Variants in SULF1 observed in about 807,000 individuals in gnomAD.
The protein encoded by SULF1 is extracellular sulfatase Sulf-1.
In SULF1, 46 loss-of-function variants were observed where a neutral mutation model predicts 110.5. That is an observed-to-expected ratio of 0.42 (90% CI 0.33 to 0.53). The LOEUF is 0.53. SULF1 is among the 20% of genes least tolerant of loss of function. SULF1 has a pLI of 0.12. For synonymous variants in SULF1, 371 were observed against 387.1 expected (o/e 0.96, Z 0.49); for missense variants, 941 against 1,094.2 (o/e 0.86, Z 1.98).
chr8:69,627,800 A>G lies in SULF1; in HGVS notation c.1976A>G (p.Asn659Ser). The G allele has an allele frequency of 6.2e-7, 1 of 1,612,938 alleles. No homozygotes were observed. The highest frequency in any genetic ancestry group is 8.5e-7 in the Non-Finnish European group (1 of 1,179,530). Residue 659 changes from asparagine to serine, a missense_variant, in exon 17 of 23, where the codon AAT (asparagine) becomes AGT (serine). Physicochemically the swap from Asn to Ser is conservative, Grantham distance 46. This residue lies in a region of SULF1 where 822 missense variants were observed against 934.3 expected (regional missense o/e 0.88). Coordinates refer to ENST00000402687, the MANE Select transcript of SULF1 (RefSeq NM_001128205.2). Reference protein sequence around the residue: ...EIEALQDKIKNLREVRGHLKR... With the variant: ...EIEALQDKIKSLREVRGHLKR... ...GAAGCTCTGCAAGATAAAATTAAGA[A>G]TTTAAGAGAAGTGAGAGGACATCTG...
At chr8:69,576,692 G>T (rs1420379439) in intron 6 of SULF1, among the ~76,000 whole-genome samples, 1 of 152,152 alleles carries the variant, frequency 6.6e-6, no homozygotes, top group African/African-American at 2.4e-5. Flanking sequence ...AAAAAGCAAG[G>T]TTCCTTCTGG....
At chr8:69,604,221 TG>T (rs1412197435) in intron 12 of SULF1, among the ~76,000 whole-genome samples, 2 of 151,848 alleles carry the variant, frequency 1.3e-5, no homozygotes, top group Non-Finnish European at 2.9e-5. Flanking sequence ...GTAGATTTAC[TG>T]TTGCATTTCT....
At chr8:69,500,246 G>A (rs1210574757) in intron 2 of SULF1, among the ~76,000 whole-genome samples, 1 of 152,130 alleles carries the variant, frequency 6.6e-6, no homozygotes, top group Non-Finnish European at 1.5e-5. Context: ...TTTGTGCTAG[G>A]TCGTCTTGCA....
chr8:69,587,630 A>G (rs1806568001), intron 7 of SULF1, among the ~76,000 whole-genome samples: 1 of 152,322 alleles, frequency 6.6e-6, no homozygotes, highest in Admixed American at 6.5e-5. Context: ...CACTCATCCT[A>G]GGTCATATCC....
intron 22 of SULF1, among the ~76,000 whole-genome samples, chr8:69,654,223 G>A (rs1812552209): frequency 6.6e-6 from 1 of 152,152 alleles, no homozygotes; most frequent in South Asian, 2.1e-4. Flanking sequence ...TTCAGCCTCA[G>A]TTACTATTCC....
intron 1 of SULF1, among the ~76,000 whole-genome samples, chr8:69,469,780 G>A (rs1444019053): frequency 5.9e-5 from 9 of 152,214 alleles, no homozygotes; most frequent in East Asian, 3.8e-4. Flanking sequence ...AGTGGCTCAC[G>A]CCTGTAATCC....
chr8:69,598,108 G>GC (rs1436714017), intron 8 of SULF1, among the ~76,000 whole-genome samples: 1 of 92,266 alleles, frequency 1.1e-5, no homozygotes, highest in Non-Finnish European at 1.9e-5. Context: ...ACTCTTTCAG[G>GC]CCAAAAAAAA....
chr8:69,608,493 G>A lies in SULF1; in HGVS notation c.1377+3561G>A, dbSNP rs565899851. 6.6e-5 allele frequency among the ~76,000 whole-genome samples: 10 copies of A among 151,634 alleles called. No individual in the cohort carries two copies. In the East Asian group the frequency reaches 1.4e-3, roughly 21 times the overall value. On this transcript the variant is annotated intron_variant, in intron 13 of 22. Coordinates refer to ENST00000402687, the MANE Select transcript of SULF1 (RefSeq NM_001128205.2). ...TCAGGAGTTTCAGACCAGCCTGGCC[G>A]ACATAGTCATAGTGAAACCCCATCT...
chr8:69,484,237 T>C (rs1324951473), intron 1 of SULF1, among the ~76,000 whole-genome samples: 2 of 152,236 alleles, frequency 1.3e-5, no homozygotes, highest in African/African-American at 4.8e-5. Flanking sequence ...TCTAGAAACA[T>C]AGTTTATATG....
chr8:69,588,875 G>T, intron 7 of SULF1, 97 bp from the exon 8 acceptor site: 1 of 1,248,602 alleles, frequency 8.0e-7, no homozygotes. Context: ...TTGCCACTTC[G>T]TGCAGTGAAT....
intron 3 of SULF1, among the ~76,000 whole-genome samples, chr8:69,554,784 C>G (rs1354667629): frequency 6.6e-6 from 1 of 151,814 alleles, no homozygotes; most frequent in Non-Finnish European, 1.5e-5. Flanking sequence ...TCGAGACCAT[C>G]CTGGCTAACA....
At chr8:69,542,308 A>T (rs1365178515) in intron 3 of SULF1, among the ~76,000 whole-genome samples, 3 of 152,152 alleles carry the variant, frequency 2.0e-5, no homozygotes, top group African/African-American at 7.2e-5. Context: ...TATGCAACTT[A>T]CTCATCTGAG....
In SULF1 at chr8:69,589,112, T is replaced by C. The variant is rs983788465; in HGVS notation, c.705T>C (p.Ser235=). ...HGPEDSAPQF[S]KLYPNASQHI... The stretch of plus-strand genomic sequence containing the variant: ...CCGAGGACTCAGCCCCACAGTTTTC[T>C]AAACTGTACCCCAATGCTTCCCAAC... Residue 235 remains serine (S), a synonymous_variant, in exon 8 of 23, where the codon TCT becomes TCC. Coordinates refer to ENST00000402687, the MANE Select transcript of SULF1 (RefSeq NM_001128205.2). The C allele has an allele frequency of 6.2e-7, 1 of 1,614,110 alleles. No individual in the cohort carries two copies. The highest frequency in any genetic ancestry group is 1.7e-5 in the Admixed American group (1 of 60,010).
At chr8:69,585,886 G>A (rs954674058) in intron 6 of SULF1, among the ~76,000 whole-genome samples, 3 of 152,130 alleles carry the variant, frequency 2.0e-5, no homozygotes, top group Admixed American at 6.5e-5. Flanking sequence ...ATGTAAAAAC[G>A]AAAATAAGCT....
chr8:69,620,692 T>G (rs1214429988), intron 13 of SULF1, among the ~76,000 whole-genome samples: 1 of 152,236 alleles, frequency 6.6e-6, no homozygotes, highest in East Asian at 1.9e-4. Flanking sequence ...TCCTGACAGC[T>G]GCACCGTGTG....
intron 5 of SULF1, among the ~76,000 whole-genome samples, chr8:69,565,321 T>C (rs1815798525): frequency 6.6e-6 from 1 of 152,144 alleles, no homozygotes; most frequent in South Asian, 2.1e-4. Context: ...CATATGATGT[T>C]AGTATGTATG....
chr8:69,632,498 T>A (rs1010937134), intron 19 of SULF1, among the ~76,000 whole-genome samples: 1 of 151,838 alleles, frequency 6.6e-6, no homozygotes, highest in African/African-American at 2.4e-5. Context: ...ATAATATTAT[T>A]GCTGTATTCC....
chr8:69,652,105 C>T (rs1812382569), intron 22 of SULF1, among the ~76,000 whole-genome samples: 1 of 152,300 alleles, frequency 6.6e-6, no homozygotes, highest in Middle Eastern at 3.4e-3. Flanking sequence ...CCCCAACCCC[C>T]ACCTTCCTCT....
chr8:69,563,765 T>G, intron 4 of SULF1, 151 bp from the exon 5 acceptor site: 1 of 513,622 alleles, frequency 1.9e-6, no homozygotes, highest in Non-Finnish European at 3.5e-6. Context: ...CCAGCACTTG[T>G]GAGGGTTTGC....
Sources: gnomAD v4.1 joint callset for allele counts (sites outside exome capture counted in the v4.1 genomes callset) on GRCh38, gnomAD v4.1.1 for gene constraint, gnomAD v4.1.1 regional missense constraint, MANE v1.5 for transcripts, NCBI Gene and HGNC (gene_info 2026-07-23, HGNC 2026-07-21) for gene names.